OR14I1: variants seen among roughly 807,000 people sequenced by gnomAD.
The protein encoded by OR14I1 is olfactory receptor family 14 subfamily I member 1.
For synonymous variants in OR14I1, 118 were observed against 71.1 expected (o/e 1.66, Z -3.32); for missense variants, 279 against 181.8 (o/e 1.53, Z -3.07).
At chr1:248,696,424 G>A in the OR14I1 span, among the ~76,000 whole-genome samples, 3 of 152,062 alleles carry the variant, frequency 2.0e-5, no homozygotes, top group Non-Finnish European at 4.4e-5. Context: ...CCCAGTCTTT[G>A]CCCATGACAG....
At chr1:248,684,193 G>A (rs1661606526), upstream of OR14I1, among the ~76,000 whole-genome samples, 1 of 152,210 alleles carries the variant, frequency 6.6e-6, no homozygotes, top group Admixed American at 6.5e-5. Context: ...CAAGGGCTCA[G>A]AAAACTGGAA....
chr1:248,680,340 G>A (rs947303763), downstream of OR14I1, among the ~76,000 whole-genome samples: 24 of 152,224 alleles, frequency 1.6e-4, no homozygotes, highest in Middle Eastern at 3.4e-3. Flanking sequence ...GTGAGATTTG[G>A]GATGTAAAGT....
At chr1:248,684,757 CATAT>C (rs376621560), upstream of OR14I1, among the ~76,000 whole-genome samples, 1,378 of 144,316 alleles carry the variant, frequency 9.5e-3, 8 homozygotes, top group Non-Finnish European at 0.014. Context: ...CACACACATA[CATAT>C]ATATATATAT....
At chr1:248,702,231 C>A in the OR14I1 span, among the ~76,000 whole-genome samples, 1 of 152,134 alleles carries the variant, frequency 6.6e-6, no homozygotes, top group Admixed American at 6.5e-5. Context: ...AGTCCACAAT[C>A]CAAAGTCTTA....
At chr1:248,691,557 A>T in the OR14I1 span, among the ~76,000 whole-genome samples, 1 of 152,238 alleles carries the variant, frequency 6.6e-6, no homozygotes, top group African/African-American at 2.4e-5. Flanking sequence ...GGAAAAACAG[A>T]CATTCCAGCT....
chr1:248,693,901 A>T, the OR14I1 span, among the ~76,000 whole-genome samples: 621 of 132,286 alleles, frequency 4.7e-3, 6 homozygotes, highest in African/African-American at 0.018. Flanking sequence ...GAACTTTTTA[A>T]AAAAAAAAAA....
chr1:248,699,023 G>A, the OR14I1 span: 2 of 152,214 alleles, frequency 1.3e-5, no homozygotes, highest in African/African-American at 4.8e-5. Flanking sequence ...CATCTTCTTT[G>A]TTCTTTTCCT....
chr1:248,683,793 G>C (rs1051427624), upstream of OR14I1, among the ~76,000 whole-genome samples: 2 of 152,228 alleles, frequency 1.3e-5, no homozygotes, highest in Non-Finnish European at 2.9e-5. Context: ...CAGCACTTTC[G>C]GAGGTTGAGG....
chr1:248,682,389 G>C, upstream of OR14I1: 1 of 624,566 alleles, frequency 1.6e-6, no homozygotes, highest in Non-Finnish European at 2.9e-6. Flanking sequence ...AGTGTGGTAG[G>C]AGTAATATCC....
At chr1:248,699,525 C>T in the OR14I1 span, among the ~76,000 whole-genome samples, 21 of 152,152 alleles carry the variant, frequency 1.4e-4, no homozygotes, top group African/African-American at 4.6e-4. Flanking sequence ...GATGCAGTAG[C>T]TGAAATTAAT....
the OR14I1 span, among the ~76,000 whole-genome samples, chr1:248,693,328 C>T: frequency 6.6e-6 from 1 of 152,188 alleles, no homozygotes; most frequent in African/African-American, 2.4e-5. Context: ...TTCCTGGTTC[C>T]CTCAGCCTCT....
At chr1:248,690,449 A>C in the OR14I1 span, among the ~76,000 whole-genome samples, 1 of 152,188 alleles carries the variant, frequency 6.6e-6, no homozygotes, top group Admixed American at 6.5e-5. Flanking sequence ...TACTATAAAC[A>C]TCTCTATGAA....
the OR14I1 span, among the ~76,000 whole-genome samples, chr1:248,696,137 G>A: frequency 6.6e-6 from 1 of 152,160 alleles, no homozygotes; most frequent in Non-Finnish European, 1.5e-5. Flanking sequence ...GGCAAAGTGG[G>A]GAAAGGGCAT....
the OR14I1 span, chr1:248,698,739 G>A: frequency 1.3e-5 from 2 of 152,230 alleles, no homozygotes; most frequent in Non-Finnish European, 1.5e-5. Flanking sequence ...AGCCCTGTCA[G>A]ATGGATCACA....
At chr1:248,683,621 G>A (rs6700042), upstream of OR14I1, among the ~76,000 whole-genome samples, 111,993 of 152,182 alleles carry the variant, frequency 0.74, 44,422 homozygotes, top group Non-Finnish European at 0.88. Context: ...ATTTTTTATA[G>A]GACAGGTAGA....
chr1:248,681,796 C>T (rs2000390), exon 1 of OR14I1: 650,701 of 780,862 alleles, frequency 0.83, 275,527 homozygotes, highest in Non-Finnish European at 0.88. Flanking sequence ...GTGGATCACA[C>T]TGGATCTGCA....
chr1:248,690,823 C>T, the OR14I1 span, among the ~76,000 whole-genome samples: 1 of 150,814 alleles, frequency 6.6e-6, no homozygotes, highest in African/African-American at 2.4e-5. Flanking sequence ...CGCTGATGAA[C>T]ACTGATGTGA....
At chr1:248,678,958 A>T (rs1245514782), downstream of OR14I1, among the ~76,000 whole-genome samples, 1 of 152,234 alleles carries the variant, frequency 6.6e-6, no homozygotes, top group African/African-American at 2.4e-5. Context: ...TCCCTCCAAA[A>T]GCTTGAAGTT....
chr1:248,702,631 C>T, the OR14I1 span, among the ~76,000 whole-genome samples: 16 of 152,260 alleles, frequency 1.1e-4, no homozygotes, highest in African/African-American at 3.9e-4. Flanking sequence ...CTAGAGCCTA[C>T]TCTCATCTCA....
Sources: gnomAD v4.1 joint callset for allele counts (sites outside exome capture counted in the v4.1 genomes callset) on GRCh38, gnomAD v4.1.1 for gene constraint, MANE v1.5 for transcripts, NCBI Gene and HGNC (gene_info 2026-07-23, HGNC 2026-07-21) for gene names.